ARIH2: variants seen among roughly 807,000 people sequenced by gnomAD.
ARIH2 encodes the protein ariadne RBR E3 ubiquitin protein ligase 2, also known as E3 ubiquitin-protein ligase ARIH2.
A neutral mutation model predicts 79.8 loss-of-function variants in ARIH2; 12 were observed. The observed-to-expected ratio is 0.15, with a 90% CI of 0.10 to 0.24. The LOEUF (loss-of-function observed/expected upper bound fraction) is 0.24. ARIH2 is among the 10% of genes least tolerant of loss of function. ARIH2 has a pLI of 1.00. For synonymous variants in ARIH2, 224 were observed against 213.9 expected, an observed-to-expected ratio of 1.05 and a Z score of -0.41; for missense variants, 301 against 618.3, an observed-to-expected ratio of 0.49 and a Z score of 5.44.
chr3:48,949,376 G>T lies in ARIH2; in HGVS notation c.256-12236G>T, dbSNP rs571938913. 5.9e-5 allele frequency among the ~76,000 whole-genome samples: 9 copies of T among 152,182 alleles called. No homozygotes were observed. In the East Asian group the frequency reaches 1.5e-3, roughly 26 times the overall value. ...CTCGTGATCCGCCTGCCTTGGCCTG[G>T]GATTACAGGTGTGAGCCATCGTGCC... On this transcript the variant is annotated intron_variant, in intron 3 of 15. Transcript: ENST00000356401.
At chr3:48,982,859 C>A (rs2092801345) in intron 14 of ARIH2, 37 bp from the exon 15 acceptor site, 1 of 1,564,184 alleles carries the variant, frequency 6.4e-7, no homozygotes, top group Non-Finnish European at 8.8e-7. Flanking sequence ...CAGCCACAGC[C>A]CACTCACCTT....
intron 8 of ARIH2, 53 bp from the exon 9 acceptor site, chr3:48,973,646 C>A: frequency 2.2e-6 from 3 of 1,334,800 alleles, no homozygotes; most frequent in South Asian, 1.2e-5. Flanking sequence ...AAATTTTGAA[C>A]ATGGGACCCT....
chr3:48,934,111 A>G (rs2086789685), intron 3 of ARIH2, among the ~76,000 whole-genome samples: 1 of 152,142 alleles, frequency 6.6e-6, no homozygotes, highest in Non-Finnish European at 1.5e-5. Flanking sequence ...CCCTCTGTAG[A>G]TGAATAGTAA....
In ARIH2 at chr3:48,927,403, T is replaced by C. The variant is rs539014004; in HGVS notation, c.-97-59T>C. 9.3e-5 allele frequency: 83 copies of C among 896,324 alleles called. 1 individual carries two copies. In the South Asian group the frequency reaches 1.4e-3, roughly 15 times the overall value. 55.5% of individuals were successfully genotyped at this position (896,324 alleles called of 1,614,324 possible). A position where few individuals can be genotyped will look rare whatever the true frequency, so the allele number is the denominator to read the frequency against. On this transcript the variant is annotated intron_variant, in intron 2 of 15. Coordinates refer to ENST00000356401, the MANE Select transcript of ARIH2 (RefSeq NM_006321.4). ...CTGTCCCATTTTGATTCTTGAATGG[T>C]TTCTGTTACAACTTGTCATGGGGAA...
At chr3:48,920,120 C>G (rs770758301) in intron 1 of ARIH2, among the ~76,000 whole-genome samples, 3 of 151,686 alleles carry the variant, frequency 2.0e-5, no homozygotes, top group Non-Finnish European at 2.9e-5. Context: ...GCTGGGACCA[C>G]AGGCACGTAC....
At chr3:48,964,504 C>CA in intron 4 of ARIH2, among the ~76,000 whole-genome samples, 1 of 144,154 alleles carries the variant, frequency 6.9e-6, no homozygotes, top group East Asian at 2.2e-4. Flanking sequence ...TTAGTAGAGA[C>CA]GGGTTTCACC....
intron 3 of ARIH2, among the ~76,000 whole-genome samples, chr3:48,948,645 A>G (rs1283934055): frequency 6.6e-6 from 1 of 152,186 alleles, no homozygotes; most frequent in African/African-American, 2.4e-5. Context: ...GTATACAACT[A>G]TGTAGTCATT....
chr3:48,933,625 C>T lies in ARIH2; in HGVS notation c.255+5812C>T, dbSNP rs572653696. ...AGTGCAGTGGCACGATCTCGGTTCA[C>T]TGCAAGCTCCGCCTACCGGGTTCAT... On this transcript the variant is annotated intron_variant, in intron 3 of 15. Transcript: ENST00000356401. 2.6e-4 allele frequency among the ~76,000 whole-genome samples: 39 copies of T among 148,728 alleles called. 2 individuals are homozygous for T. In the South Asian group the frequency reaches 7.9e-3, roughly 30 times the overall value.
chr3:48,919,594 A>T (rs1385136647), intron 1 of ARIH2, among the ~76,000 whole-genome samples: 2 of 152,266 alleles, frequency 1.3e-5, no homozygotes, highest in African/African-American at 4.8e-5. Flanking sequence ...TTTGCTGTTC[A>T]GCATGGTAGC....
intron 6 of ARIH2, among the ~76,000 whole-genome samples, chr3:48,967,910 T>C (rs1249389608): frequency 2.0e-5 from 3 of 152,256 alleles, no homozygotes; most frequent in Non-Finnish European, 4.4e-5. Flanking sequence ...TCTCTTTGAA[T>C]AAATTCTGTT....
Position 48,984,704 on chromosome 3 carries a change from C to T in ARIH2, c.*1434C>T, listed in dbSNP as rs1003627662. 1 of 152,198 alleles carries T rather than the reference C, an allele frequency of 6.6e-6. No homozygotes were observed. The highest frequency in any genetic ancestry group is 1.5e-5 in the Non-Finnish European group (1 of 68,056). The allele number at this position is 152,198 out of a possible 1,614,324, so 9.4% of individuals were successfully genotyped here. ...TCTATACTCTCCCAAGCCTGCTTGA[C>T]CTCCAAGTAGAGCTGATACAGAGAT... is the stretch of plus-strand genomic sequence containing the variant. On this transcript the variant is annotated 3_prime_UTR_variant, in exon 16 of 16. Coordinates refer to ENST00000356401, the MANE Select transcript of ARIH2 (RefSeq NM_006321.4).
intron 9 of ARIH2, among the ~76,000 whole-genome samples, 180 bp downstream of exon 9, chr3:48,973,996 T>C (rs897692051): frequency 6.6e-6 from 1 of 152,124 alleles, no homozygotes; most frequent in African/African-American, 2.4e-5. Context: ...ATAGGATGCA[T>C]TGGGTGCATA....
At chr3:48,970,802 C>A in intron 8 of ARIH2, 98 bp downstream of exon 8, 2 of 906,808 alleles carry the variant, frequency 2.2e-6, no homozygotes, top group South Asian at 1.5e-5. Context: ...CTGGAAGAGG[C>A]AGGGTCTCTG....
At chr3:48,941,581 T>A (rs957506639) in intron 3 of ARIH2, among the ~76,000 whole-genome samples, 2 of 151,726 alleles carry the variant, frequency 1.3e-5, no homozygotes, top group African/African-American at 2.4e-5. Flanking sequence ...CTATTGATTT[T>A]TCTTTTCTTT....
chr3:48,921,750 C>T (rs939580132), intron 1 of ARIH2, among the ~76,000 whole-genome samples: 1 of 144,518 alleles, frequency 6.9e-6, no homozygotes, highest in Non-Finnish European at 1.5e-5. Context: ...TGGAATTTTT[C>T]TTTTTTTTTT....
intron 3 of ARIH2, among the ~76,000 whole-genome samples, chr3:48,960,733 C>T (rs1305602155): frequency 6.7e-6 from 1 of 150,116 alleles, no homozygotes; most frequent in African/African-American, 2.5e-5. Flanking sequence ...CACTGCACTC[C>T]AGCCTGGGTG....
chr3:48,926,242 CGTGTGTGTGT>C (rs34080246), intron 2 of ARIH2, among the ~76,000 whole-genome samples: 1,838 of 148,140 alleles, frequency 0.012, 39 homozygotes, highest in African/African-American at 0.043. Context: ...GAGTTTCCCT[CGTGTGTGTGT>C]GTGTGTGTGT....
chr3:48,956,439 CTT>C (rs34693818), intron 3 of ARIH2, among the ~76,000 whole-genome samples: 240 of 36,190 alleles, frequency 6.6e-3, no homozygotes, highest in Non-Finnish European at 8.2e-3. Context: ...GCGCCCGGCA[CTT>C]TTTTTTTTTT....
intron 3 of ARIH2, among the ~76,000 whole-genome samples, chr3:48,951,372 T>C (rs2089936751): frequency 6.6e-6 from 1 of 152,210 alleles, no homozygotes; most frequent in Non-Finnish European, 1.5e-5. Flanking sequence ...TGGCAAATTT[T>C]TAAATTAAGG....
Sources: gnomAD v4.1 joint callset for allele counts (sites outside exome capture counted in the v4.1 genomes callset) on GRCh38, gnomAD v4.1.1 for gene constraint, MANE v1.5 for transcripts, NCBI Gene and HGNC (gene_info 2026-07-23, HGNC 2026-07-21) for gene names.